SAV1: variants seen among roughly 807,000 people sequenced by gnomAD.
SAV1 encodes salvador family WW domain containing protein 1, also known as protein salvador homolog 1.
Under a neutral mutation model 47.3 loss-of-function variants are expected in SAV1, and 23 were observed. The ratio of observed to expected loss-of-function variants is 0.49; its 90% confidence interval spans 0.35 to 0.69. The LOEUF (loss-of-function observed/expected upper bound fraction) is 0.69, where lower values mean the gene tolerates loss of function less well. SAV1 is among the 30% of genes least tolerant of loss of function. The probability of loss-of-function intolerance (pLI) is 0.01; values close to 1 mark genes in which losing one functional copy is unlikely to be tolerated. For synonymous variants in SAV1, 155 were observed against 159.2 expected (o/e 0.97, Z 0.20); for missense variants, 448 against 457.4 (o/e 0.98, Z 0.19).
chr14:50,644,517 G>A (rs1272983195), intron 3 of SAV1, among the ~76,000 whole-genome samples: 2 of 151,848 alleles, frequency 1.3e-5, no homozygotes, highest in Non-Finnish European at 2.9e-5. Flanking sequence ...CTGATCATAA[G>A]AACAATGATC....
At chr14:50,651,067 G>A (rs1306938210) in intron 2 of SAV1, among the ~76,000 whole-genome samples, 3 of 54 alleles carry the variant, frequency 0.056, no homozygotes, top group Non-Finnish European at 0.088. Context: ...CAGCCAGAGC[G>A]AAGCTTCGGA....
intron 3 of SAV1, among the ~76,000 whole-genome samples, chr14:50,641,734 GA>G (rs2039682268): frequency 6.6e-6 from 1 of 152,186 alleles, no homozygotes; most frequent in Admixed American, 6.5e-5. Flanking sequence ...TGGTTGCAAA[GA>G]AAAATGAATG....
At chr14:50,642,545 C>G (rs1355704186) in intron 3 of SAV1, among the ~76,000 whole-genome samples, 1 of 151,414 alleles carries the variant, frequency 6.6e-6, no homozygotes. Context: ...TGCTTATTAC[C>G]CGGGTGATAA....
chr14:50,639,252 TAGGATTAAAGAATTTC>T lies in SAV1; in HGVS notation c.950+1482_950+1497del, dbSNP rs139248386. On this transcript the variant is annotated intron_variant, in intron 4 of 4. Coordinates refer to ENST00000324679, the MANE Select transcript of SAV1 (RefSeq NM_021818.4). ...TGTGTTGGTAAATTACTGTGAGAGA[TAGGATTAAAGAATTTC>T]AGGATTAAAGAATTTCAGATTCTCA... Among the ~76,000 whole-genome samples, 884 of 152,308 alleles carry T rather than the reference TAGGATTAAAGAATTTC, an allele frequency of 5.8e-3. 5 individuals carry two copies. Among genetic ancestry groups the T allele is most frequent in the African/African-American group, 0.02 (842 of 41,556 alleles).
chr14:50,655,743 A>T (rs2039806894), intron 2 of SAV1, among the ~76,000 whole-genome samples: 1 of 152,084 alleles, frequency 6.6e-6, no homozygotes, highest in Non-Finnish European at 1.5e-5. Flanking sequence ...AAAAGCCTTT[A>T]TAGTAATTAA....
chr14:50,665,314 A>G lies in SAV1; in HGVS notation c.400T>C (p.Tyr134His). The G allele has an allele frequency of 6.2e-7, 1 of 1,613,828 alleles. No homozygotes were observed. Among genetic ancestry groups the G allele is most frequent in the Non-Finnish European group, 8.5e-7 (1 of 1,179,786 alleles). Reference protein sequence around the residue: ...VENGDSGSRYYYSDNFFDGQR... With the variant: ...VENGDSGSRYHYSDNFFDGQR... ...CCATCAAAAAAATTGTCTGAATAATAATATCGGGAACCAGAGTCTCCATTT... is the reference window on the plus strand; with the variant it reads ...CCATCAAAAAAATTGTCTGAATAATGATATCGGGAACCAGAGTCTCCATTT... The change falls in exon 2 of 5, where the codon TAT becomes CAT. Residue 134 changes from tyrosine (Y) to histidine (H), a missense_variant. By Grantham distance (83) the Tyr-to-His change is moderately conservative. Transcript: ENST00000324679.
At position 50,645,571 on chromosome 14, in the gene SAV1, T is replaced by A. The variant is rs968660892; in HGVS notation, c.536-557A>T. On this transcript the variant is annotated intron_variant, in intron 2 of 4. Coordinates refer to ENST00000324679, the MANE Select transcript of SAV1 (RefSeq NM_021818.4). ...TTATGTACATACAAATATTCCAAAA[T>A]AAAAAAAAAAATCCAAAATCTCAAA... Among the ~76,000 whole-genome samples, 823 of 146,060 alleles carry A rather than the reference T, an allele frequency of 5.6e-3. 5 individuals carry two copies. The highest frequency in any genetic ancestry group is 0.02 in the African/African-American group (795 of 39,968).
At chr14:50,643,554 G>A (rs530803842) in intron 3 of SAV1, among the ~76,000 whole-genome samples, 3 of 152,288 alleles carry the variant, frequency 2.0e-5, no homozygotes, top group Admixed American at 6.5e-5. Flanking sequence ...TGGGGATTAC[G>A]ATTTGAGATG....
intron 2 of SAV1, among the ~76,000 whole-genome samples, chr14:50,652,966 G>A (rs2039781655): frequency 6.6e-6 from 1 of 152,110 alleles, no homozygotes; most frequent in Admixed American, 6.5e-5. Flanking sequence ...GGGAGGTGGA[G>A]GTTGCAATGA....
At chr14:50,649,407 T>C (rs1264445577) in intron 2 of SAV1, among the ~76,000 whole-genome samples, 4 of 152,194 alleles carry the variant, frequency 2.6e-5, no homozygotes, top group Admixed American at 6.5e-5. Flanking sequence ...ATAAAGCACA[T>C]AGTAAGTGTT....
Position 50,635,394 on chromosome 14 carries a change from AAC to A in SAV1, c.951-12_951-11del. ...CAGAATGTGGTCATATCTGTTTTAA[AAC>A]ACAATCATATATATGTTCACAACAC... On this transcript the variant is annotated splice_polypyrimidine_tract_variant and intron_variant, in intron 4 of 4. Coordinates refer to ENST00000324679, the MANE Select transcript of SAV1 (RefSeq NM_021818.4). The A allele has an allele frequency of 4.4e-6, 7 of 1,608,366 alleles. No homozygotes were observed. Among genetic ancestry groups the A allele is most frequent in the Non-Finnish European group, 6.0e-6 (7 of 1,174,868 alleles).
At chr14:50,655,996 G>T (rs185685659) in intron 2 of SAV1, among the ~76,000 whole-genome samples, 24 of 152,332 alleles carry the variant, frequency 1.6e-4, no homozygotes, top group African/African-American at 5.8e-4. Flanking sequence ...GGTGAGCCAA[G>T]ATCGTGCCAT....
chr14:50,667,817 T>G, intron 1 of SAV1, 57 bp downstream of exon 1: 1 of 1,448,606 alleles, frequency 6.9e-7, no homozygotes, highest in Non-Finnish European at 9.6e-7. Flanking sequence ...CCCGCCAGGG[T>G]CCCCGGAGCA....
chr14:50,653,734 T>G (rs1275318571), intron 2 of SAV1, among the ~76,000 whole-genome samples: 1 of 152,006 alleles, frequency 6.6e-6, no homozygotes, highest in Non-Finnish European at 1.5e-5. Context: ...CTGGGCCTGG[T>G]GGCGCATACT....
At chr14:50,655,881 A>C (rs2039808138) in intron 2 of SAV1, among the ~76,000 whole-genome samples, 1 of 152,092 alleles carries the variant, frequency 6.6e-6, no homozygotes, top group South Asian at 2.1e-4. Flanking sequence ...CCCCATCTCT[A>C]CTAAAAATAC....
intron 2 of SAV1, among the ~76,000 whole-genome samples, chr14:50,646,026 TTAAGA>T (rs2039718489): frequency 6.6e-6 from 1 of 152,170 alleles, no homozygotes; most frequent in Non-Finnish European, 1.5e-5. Flanking sequence ...CGACATAAAG[TTAAGA>T]TGTCAATTCT....
chr14:50,637,033 A>G (rs2039640627), intron 4 of SAV1, among the ~76,000 whole-genome samples: 1 of 152,194 alleles, frequency 6.6e-6, no homozygotes, highest in Non-Finnish European at 1.5e-5. Context: ...GAGATAGAAA[A>G]CATACCGAGC....
chr14:50,661,112 C>A (rs2039856417), intron 2 of SAV1, among the ~76,000 whole-genome samples: 1 of 152,216 alleles, frequency 6.6e-6, no homozygotes, highest in African/African-American at 2.4e-5. Context: ...TCTTCACACT[C>A]TCACCAGTAG....
chr14:50,655,032 C>T (rs984224200), intron 2 of SAV1, among the ~76,000 whole-genome samples: 48 of 152,080 alleles, frequency 3.2e-4, no homozygotes, highest in African/African-American at 1.1e-3. Context: ...TAAAACAGAA[C>T]AAAACAAGCC....
Sources: allele counts gnomAD v4.1 joint callset (sites outside exome capture counted in the v4.1 genomes callset), GRCh38; gene constraint gnomAD v4.1.1; transcripts MANE v1.5; gene names NCBI Gene and HGNC (gene_info 2026-07-23, HGNC 2026-07-21).